DPY19L3: variants seen among roughly 807,000 people sequenced by gnomAD.
DPY19L3 encodes the protein dpy-19 like C-mannosyltransferase 3, also known as protein C-mannosyl-transferase DPY19L3.
In DPY19L3, 51 loss-of-function variants were observed where a neutral mutation model predicts 92.3. The observed-to-expected ratio is 0.55, with a 90% confidence interval of 0.44 to 0.70. The LOEUF (loss-of-function observed/expected upper bound fraction) is 0.70. DPY19L3 is among the 30% of genes least tolerant of loss of function. DPY19L3 has a pLI of 0.00. For synonymous variants in DPY19L3, 309 were observed against 315.2 expected, an observed-to-expected ratio of 0.98 and a Z score of 0.21; for missense variants, 706 against 855.9, an observed-to-expected ratio of 0.82 and a Z score of 2.18.
chr19:32,441,265 A>G (rs1360001040), intron 8 of DPY19L3, among the ~76,000 whole-genome samples: 1 of 152,236 alleles, frequency 6.6e-6, no homozygotes, highest in Non-Finnish European at 1.5e-5. Flanking sequence ...GACTTGAGCC[A>G]ATAGCAATAG....
At chr19:32,444,518 A>C (rs574671201) in intron 8 of DPY19L3, among the ~76,000 whole-genome samples, 1 of 152,348 alleles carries the variant, frequency 6.6e-6, no homozygotes, top group South Asian at 2.1e-4. Context: ...AGAAGACAAG[A>C]AAAGAGTTTA....
intron 17 of DPY19L3, among the ~76,000 whole-genome samples, chr19:32,478,921 G>T (rs1191093987): frequency 6.6e-6 from 1 of 152,006 alleles, no homozygotes; most frequent in African/African-American, 2.4e-5. Context: ...GCTGGGTCAG[G>T]GTTGTTGACA....
intron 8 of DPY19L3, 137 bp downstream of exon 8, chr19:32,440,047 C>A: frequency 9.1e-7 from 1 of 1,102,958 alleles, no homozygotes; most frequent in Non-Finnish European, 1.3e-6. Flanking sequence ...TTGCTGTGGC[C>A]AATTGAAGCT....
chr19:32,437,012 C>T (rs1969164123), intron 5 of DPY19L3, among the ~76,000 whole-genome samples, 182 bp from the exon 6 acceptor site: 1 of 151,772 alleles, frequency 6.6e-6, no homozygotes, highest in African/African-American at 2.4e-5. Flanking sequence ...TCCCCTGTCT[C>T]TTCTCGGTGG....
intron 8 of DPY19L3, among the ~76,000 whole-genome samples, chr19:32,452,380 A>T (rs951576611): frequency 6.6e-6 from 1 of 152,220 alleles, no homozygotes; most frequent in African/African-American, 2.4e-5. Flanking sequence ...TTTGCAGTCT[A>T]ATCAGGGGAT....
At chr19:32,469,381 A>G (rs978686202) in intron 16 of DPY19L3, among the ~76,000 whole-genome samples, 1 of 151,946 alleles carries the variant, frequency 6.6e-6, no homozygotes, top group Admixed American at 6.6e-5. Context: ...GGTGCCTCCT[A>G]GCTACTCAGG....
At chr19:32,475,044 T>C (rs1221435839) in intron 16 of DPY19L3, among the ~76,000 whole-genome samples, 2 of 152,242 alleles carry the variant, frequency 1.3e-5, no homozygotes, top group African/African-American at 4.8e-5. Context: ...CTGTAATTCA[T>C]CCAAGGGCTA....
At chr19:32,470,310 A>T (rs1322599941) in intron 16 of DPY19L3, among the ~76,000 whole-genome samples, 1 of 152,242 alleles carries the variant, frequency 6.6e-6, no homozygotes, top group Non-Finnish European at 1.5e-5. Flanking sequence ...CTTTTGCATT[A>T]ACTATAGTCA....
intron 2 of DPY19L3, among the ~76,000 whole-genome samples, chr19:32,410,673 C>T (rs1968148347): frequency 6.6e-6 from 1 of 152,176 alleles, no homozygotes; most frequent in South Asian, 2.1e-4. Context: ...GTCCCAGCTA[C>T]TCAGGAGGCT....
chr19:32,452,026 G>A (rs1014329690), intron 8 of DPY19L3, among the ~76,000 whole-genome samples: 6 of 152,098 alleles, frequency 3.9e-5, no homozygotes, highest in South Asian at 2.1e-4. Flanking sequence ...ACACGGTCTC[G>A]CTATGTTGCC....
chr19:32,418,876 G>GT (rs1334821603), intron 3 of DPY19L3, among the ~76,000 whole-genome samples: 9 of 152,130 alleles, frequency 5.9e-5, no homozygotes, highest in African/African-American at 2.2e-4. Context: ...TTTTTTAAAT[G>GT]TTTGTTGTAT....
intron 18 of DPY19L3, 85 bp from the exon 19 acceptor site, chr19:32,481,994 A>T: frequency 6.9e-7 from 1 of 1,456,294 alleles, no homozygotes; most frequent in Non-Finnish European, 9.3e-7. Context: ...TACCATTCTT[A>T]AACCCAATAC....
intron 3 of DPY19L3, among the ~76,000 whole-genome samples, chr19:32,428,547 A>G (rs1414098047): frequency 6.6e-6 from 1 of 152,194 alleles, no homozygotes; most frequent in East Asian, 1.9e-4. Flanking sequence ...TGGCTCAACC[A>G]GGCTTAGAGG....
intron 15 of DPY19L3, chr19:32,468,481 C>T (rs1197307554): frequency 4.4e-6 from 5 of 1,148,382 alleles, no homozygotes; most frequent in East Asian, 4.5e-5. Context: ...ATAAAAAGCT[C>T]ATTTTTTAAA....
intron 1 of DPY19L3, among the ~76,000 whole-genome samples, chr19:32,407,272 A>ACCCCCCCCCCCCCTCCCCCCCCCC (rs923773742): frequency 1.1e-5 from 1 of 93,512 alleles, no homozygotes; most frequent in Non-Finnish European, 2.2e-5. Context: ...GCTCCCCCCC[A>ACCCCCCCCCCCCCTCCCCCCCCCC]CCCATTACTC....
intron 3 of DPY19L3, chr19:32,428,107 A>T (rs1189090135): frequency 1.3e-5 from 2 of 151,222 alleles, no homozygotes; most frequent in African/African-American, 4.9e-5. Flanking sequence ...AAGTAGCTGG[A>T]ATTACAGACA....
At chr19:32,479,618 G>A (rs542189065) in intron 17 of DPY19L3, 96 of 438,010 alleles carry the variant, frequency 2.2e-4, no homozygotes, top group African/African-American at 1.4e-3. Context: ...TCTAGCACTC[G>A]AAATCAGGGT....
At position 32,420,552 on chromosome 19, in the gene DPY19L3, C is replaced by G. The variant is rs141251259; in HGVS notation, c.237+9180C>G. Among the ~76,000 whole-genome samples, 171 of 152,136 alleles carry G rather than the reference C, an allele frequency of 1.1e-3. 2 individuals carry two copies. The highest frequency in any genetic ancestry group is 4.4e-4 in the Non-Finnish European group (30 of 68,008). Reference sequence around the variant, plus strand: ...CTTTGCCTCCCGAGTTCAAGCGATTCTCCTGCCTCAGCCTCCTGAGTAGAG... The same window carrying G: ...CTTTGCCTCCCGAGTTCAAGCGATTGTCCTGCCTCAGCCTCCTGAGTAGAG... On this transcript the variant is annotated intron_variant, in intron 3 of 18. Coordinates refer to ENST00000392250, the MANE Select transcript of DPY19L3 (RefSeq NM_001172774.2).
At chr19:32,443,090 C>T (rs566341978) in intron 8 of DPY19L3, among the ~76,000 whole-genome samples, 2 of 152,310 alleles carry the variant, frequency 1.3e-5, no homozygotes, top group African/African-American at 2.4e-5. Context: ...AAGCCTTTCT[C>T]TACTGCCCTA....
Sources: allele counts gnomAD v4.1 joint callset (sites outside exome capture counted in the v4.1 genomes callset), GRCh38; gene constraint gnomAD v4.1.1; transcripts MANE v1.5; gene names NCBI Gene and HGNC (gene_info 2026-07-23, HGNC 2026-07-21).